CARMIL1: variants seen among roughly 807,000 people sequenced by gnomAD.
The protein encoded by CARMIL1 is F-actin-uncapping protein LRRC16A.
A neutral mutation model predicts 177.1 loss-of-function variants in CARMIL1; 90 were observed. The observed-to-expected ratio is 0.51, with a 90% CI of 0.43 to 0.61. The LOEUF is 0.61. CARMIL1 is among the 20% of genes least tolerant of loss of function. CARMIL1 has a pLI of 0.00. For missense variants in CARMIL1, 1,380 were observed against 1,667.0 expected (o/e 0.83, Z 3.00); for synonymous variants, 577 against 606.2 (o/e 0.95, Z 0.71).
intron 16 of CARMIL1, among the ~76,000 whole-genome samples, chr6:25,497,740 CA>C (rs1803880627): frequency 6.6e-6 from 1 of 152,174 alleles, no homozygotes; most frequent in Non-Finnish European, 1.5e-5. Context: ...TCTTTTGAGA[CA>C]GCGCTTTAAG....
At chr6:25,469,119 A>G (rs1276075878) in intron 9 of CARMIL1, among the ~76,000 whole-genome samples, 2 of 152,216 alleles carry the variant, frequency 1.3e-5, no homozygotes, top group Non-Finnish European at 2.9e-5. Flanking sequence ...CATCAGGTCA[A>G]TTGGAATTAA....
intron 2 of CARMIL1, among the ~76,000 whole-genome samples, chr6:25,341,625 G>A (rs1309626167): frequency 6.6e-6 from 1 of 152,250 alleles, no homozygotes; most frequent in African/African-American, 2.4e-5. Flanking sequence ...GGGTGAAGCA[G>A]GAGAATCACT....
chr6:25,375,290 G>A (rs760761697), intron 2 of CARMIL1, among the ~76,000 whole-genome samples: 15 of 152,150 alleles, frequency 9.9e-5, no homozygotes, highest in Non-Finnish European at 1.5e-4. Context: ...CAGTTATTCT[G>A]TTTGAAGAGG....
chr6:25,441,337 ATG>A (rs1554196401), intron 5 of CARMIL1, among the ~76,000 whole-genome samples: 52 of 94,532 alleles, frequency 5.5e-4, no homozygotes, highest in South Asian at 5.0e-3. Context: ...ATATATATAT[ATG>A]TGTGTGTGTG....
chr6:25,467,414 T>C (rs778813371), intron 9 of CARMIL1, among the ~76,000 whole-genome samples: 3 of 152,234 alleles, frequency 2.0e-5, no homozygotes, highest in Non-Finnish European at 4.4e-5. Context: ...TTTGCTACCA[T>C]GTCAGTTTTT....
chr6:25,329,408 T>C (rs1785404762), intron 2 of CARMIL1, among the ~76,000 whole-genome samples: 1 of 152,226 alleles, frequency 6.6e-6, no homozygotes, highest in Non-Finnish European at 1.5e-5. Flanking sequence ...CAATTTGTCA[T>C]TGTCCTCAAG....
intron 5 of CARMIL1, among the ~76,000 whole-genome samples, chr6:25,439,399 G>A (rs1454663010): frequency 1.3e-5 from 2 of 152,192 alleles, no homozygotes; most frequent in Non-Finnish European, 2.9e-5. Flanking sequence ...CTGCATGGCT[G>A]TTGATAACAT....
At position 25,601,838 on chromosome 6, in the gene CARMIL1, G is replaced by C. The variant is rs539490601; in HGVS notation, c.3552+1092G>C. Among the ~76,000 whole-genome samples the C allele has an allele frequency of 6.6e-5, 10 of 152,240 alleles. No homozygotes were observed. The East Asian group carries it at 9.6e-4, about 15-fold the overall frequency. Reference sequence around the variant, plus strand: ...TGTTTTCTCTTGTCACTCACTACATGAAGGATTGTATCTGTGTGATAAGAT... The same window carrying C: ...TGTTTTCTCTTGTCACTCACTACATCAAGGATTGTATCTGTGTGATAAGAT... On this transcript the variant is annotated intron_variant, in intron 33 of 36. Coordinates refer to ENST00000329474, the MANE Select transcript of CARMIL1 (RefSeq NM_017640.6).
Position 25,396,717 on chromosome 6 carries a change from A to G in CARMIL1, c.139-23397A>G, listed in dbSNP as rs1201311451. 3.9e-5 allele frequency among the ~76,000 whole-genome samples: 6 copies of G among 152,152 alleles called. No individual in the cohort carries two copies. In the East Asian group the frequency reaches 9.6e-4, roughly 24 times the overall value. Reference sequence around the variant, plus strand: ...ATGGTAACTTTGTTTATTTTTTTGTATTAACAACCTTTGCTGTCAGTAGAA... The same window carrying G: ...ATGGTAACTTTGTTTATTTTTTTGTGTTAACAACCTTTGCTGTCAGTAGAA... On this transcript the variant is annotated intron_variant, in intron 2 of 36. Transcript: ENST00000329474.
intron 2 of CARMIL1, among the ~76,000 whole-genome samples, chr6:25,329,578 T>C (rs967814380): frequency 2.0e-5 from 3 of 152,218 alleles, no homozygotes; most frequent in Non-Finnish European, 4.4e-5. Context: ...GTCTGTCTAG[T>C]AAGTGACATT....
At chr6:25,446,442 C>T (rs895636235) in intron 5 of CARMIL1, among the ~76,000 whole-genome samples, 3 of 152,234 alleles carry the variant, frequency 2.0e-5, no homozygotes, top group Non-Finnish European at 2.9e-5. Context: ...CCTTAAACCT[C>T]ATGAACCAAC....
intron 17 of CARMIL1, among the ~76,000 whole-genome samples, chr6:25,500,764 T>A (rs926591251): frequency 6.6e-6 from 1 of 151,654 alleles, no homozygotes; most frequent in Non-Finnish European, 1.5e-5. Flanking sequence ...TATATTTATA[T>A]ATTTTTTTTT....
intron 2 of CARMIL1, among the ~76,000 whole-genome samples, chr6:25,308,533 C>G (rs1783472025): frequency 6.6e-6 from 1 of 152,208 alleles, no homozygotes; most frequent in East Asian, 1.9e-4. Flanking sequence ...AGGCGCGTGC[C>G]ACCACACCTG....
chr6:25,446,064 G>C (rs1798206674), intron 5 of CARMIL1, among the ~76,000 whole-genome samples: 1 of 152,120 alleles, frequency 6.6e-6, no homozygotes, highest in African/African-American at 2.4e-5. Flanking sequence ...TATCACCCAG[G>C]CTTTCTTGTT....
Position 25,594,500 on chromosome 6 carries a change from C to T in CARMIL1, c.3092C>T (p.Thr1031Ile), listed in dbSNP as rs1814628710. The T allele has an allele frequency of 9.9e-6, 16 of 1,611,618 alleles. No homozygotes were observed. The highest frequency in any genetic ancestry group is 1.4e-5 in the Non-Finnish European group (16 of 1,178,494). The change falls in exon 32 of 37, where the codon ACC becomes ATC. Residue 1031 changes from threonine (T) to isoleucine (I), a missense_variant. Coordinates refer to ENST00000329474, the MANE Select transcript of CARMIL1 (RefSeq NM_017640.6). Reference protein sequence around the residue: ...RVDEGVDEFFTKKVTKMDSKK... With the variant: ...RVDEGVDEFFIKKVTKMDSKK... ...GATGAAGGTGTAGATGAATTTTTTA[C>T]CAAGAAGGTGACCAAAATGGATTCC...
intron 24 of CARMIL1, among the ~76,000 whole-genome samples, chr6:25,530,943 G>T (rs1166183820): frequency 6.6e-6 from 1 of 152,140 alleles, no homozygotes; most frequent in Non-Finnish European, 1.5e-5. Context: ...GACAAGAATG[G>T]CAAGCTTAAT....
intron 17 of CARMIL1, among the ~76,000 whole-genome samples, chr6:25,506,494 C>T (rs1465624995): frequency 1.3e-5 from 2 of 152,146 alleles, no homozygotes; most frequent in Non-Finnish European, 2.9e-5. Flanking sequence ...TGCAGTGAGT[C>T]GAGATCGTGC....
Position 25,594,534 on chromosome 6 carries a change from T to G in CARMIL1, c.3119+7T>G, listed in dbSNP as rs748005043. 14 of 1,477,456 alleles carry G rather than the reference T, an allele frequency of 9.5e-6. No homozygotes were observed. The South Asian group carries it at 1.6e-4, about 17-fold the overall frequency. 91.5% of individuals were successfully genotyped at this position (1,477,456 alleles called of 1,614,324 possible). A position where few individuals can be genotyped will look rare whatever the true frequency, so the allele number is the denominator to read the frequency against. ...TGACCAAAATGGATTCCAAGTGAGT[T>G]CAGAGTAATTTCACTGATAATGCTA... On this transcript the variant is annotated splice_region_variant and intron_variant, in intron 32 of 36. Transcript: ENST00000329474.
intron 4 of CARMIL1, 52 bp from the exon 5 acceptor site, chr6:25,435,431 A>G (rs1797138048): frequency 6.6e-7 from 1 of 1,523,898 alleles, no homozygotes; most frequent in Non-Finnish European, 8.8e-7. Context: ...AAATAATTAA[A>G]AACGGAAGGA....
Sources: gnomAD v4.1 joint callset for allele counts (sites outside exome capture counted in the v4.1 genomes callset) on GRCh38, gnomAD v4.1.1 for gene constraint, MANE v1.5 for transcripts, NCBI Gene and HGNC (gene_info 2026-07-23, HGNC 2026-07-21) for gene names.